The following JAKMIP3 variants were observed in gnomAD, a reference collection of about 807,000 sequenced individuals.
JAKMIP3 encodes Janus kinase and microtubule interacting protein 3, also known as janus kinase and microtubule-interacting protein 3.
In JAKMIP3, 58 loss-of-function variants were observed where a neutral mutation model predicts 118.5. The observed-to-expected ratio is 0.49, with a 90% CI of 0.40 to 0.61. JAKMIP3 has a LOEUF of 0.61. Among genes scored for constraint, JAKMIP3 ranks in the 20% least tolerant of loss-of-function variants. The pLI is 0.00. For missense variants in JAKMIP3, 950 were observed against 1,109.0 expected (o/e 0.86, Z 2.04); for synonymous variants, 486 against 451.2 (o/e 1.08, Z -0.98).
At chr10:132,071,401 T>C (rs2133985843) in intron 1 of JAKMIP3, among the ~76,000 whole-genome samples, 1 of 152,342 alleles carries the variant, frequency 6.6e-6, no homozygotes, top group African/African-American at 2.4e-5. Flanking sequence ...GGGTGGTATA[T>C]CCCACAAATG....
intron 10 of JAKMIP3, among the ~76,000 whole-genome samples, chr10:132,141,454 GGGA>G (rs2053497711): frequency 6.6e-6 from 1 of 152,196 alleles, no homozygotes; most frequent in South Asian, 2.1e-4. Context: ...GAGTGCACCT[GGGA>G]GGAGACGTGC....
rs538511637 is a variant in JAKMIP3, at chr10:132,049,043, C to G, written c.-138+12305C>G. 2.0e-5 allele frequency among the ~76,000 whole-genome samples: 3 copies of G among 151,894 alleles called. No individual in the cohort carries two copies. The highest frequency in any genetic ancestry group is 7.3e-5 in the African/African-American group (3 of 41,374). ...ATTGTTTCTTTACTTCTCTGCATGT[C>G]CTGAAAGCCTGCTGCTGGTCCCGGC... is the stretch of plus-strand genomic sequence containing the variant. On this transcript the variant is annotated intron_variant, in intron 1 of 23. Transcript: ENST00000657785. This position sits in a 1 kb window ranked among gnomAD's most constrained non-coding sequence, Gnocchi z 4.3.
intron 2 of JAKMIP3, 25 bp downstream of exon 2, chr10:132,104,968 C>G: frequency 6.4e-7 from 1 of 1,570,764 alleles, no homozygotes; most frequent in Non-Finnish European, 8.6e-7. Context: ...GACCTCCACC[C>G]TTGAATGTCC....
upstream of JAKMIP3, among the ~76,000 whole-genome samples, chr10:132,064,354 G>A (rs1449670355): frequency 6.6e-6 from 1 of 152,214 alleles, no homozygotes; most frequent in African/African-American, 2.4e-5. This position sits in a 1 kb window ranked among gnomAD's most constrained non-coding sequence, Gnocchi z 4.4. Context: ...GCTGGGCTGA[G>A]GGGGCACTGC....
At chr10:132,100,549 G>T (rs933991818) in intron 1 of JAKMIP3, among the ~76,000 whole-genome samples, 1 of 152,152 alleles carries the variant, frequency 6.6e-6, no homozygotes, top group Non-Finnish European at 1.5e-5. Flanking sequence ...CGAGGGTTGG[G>T]GGGTGAGCAG....
chr10:132,165,302 G>T (rs12778347), intron 21 of JAKMIP3, among the ~76,000 whole-genome samples: 83,725 of 151,852 alleles, frequency 0.55, 23,871 homozygotes, highest in East Asian at 0.94. Context: ...CCCCAAGTCA[G>T]GATGAGGGGA....
intron 23 of JAKMIP3, among the ~76,000 whole-genome samples, chr10:132,180,580 C>CGCGT (rs1554962863): frequency 1.5e-4 from 2 of 12,988 alleles, no homozygotes; most frequent in African/African-American, 1.1e-3. Flanking sequence ...TGTGTGTGTG[C>CGCGT]GTGCGCGTGT....
rs983941769 is a variant in JAKMIP3, at chr10:132,134,623, G to A, written c.850-418G>A. On this transcript the variant is annotated intron_variant, in intron 4 of 23. Coordinates refer to ENST00000684848, the MANE Select transcript of JAKMIP3 (RefSeq NM_001323087.2). ...TGCCGCCCCGTGGGGCAGGGGGCGCGCACCCTCCTGAAGGGGCAGCGGCAG... is the reference window on the plus strand; with the variant it reads ...TGCCGCCCCGTGGGGCAGGGGGCGCACACCCTCCTGAAGGGGCAGCGGCAG... Among the ~76,000 whole-genome samples the A allele has an allele frequency of 7.9e-5, 12 of 152,266 alleles. 1 individual carries two copies. The highest frequency in any genetic ancestry group is 4.1e-4 in the South Asian group (2 of 4,824).
Position 132,181,746 on chromosome 10 carries a change from C to G in JAKMIP3, c.*1104-611C>G, listed in dbSNP as rs946836453. ...TCAAAAACCAAAAAGCTCTTCAGAC[C>G]TCTCCTAGATTAGAAAACCGTGGTG... On this transcript the variant is annotated intron_variant, in intron 23 of 23. Transcript: ENST00000684848. Among the ~76,000 whole-genome samples the G allele has an allele frequency of 2.0e-5, 3 of 152,296 alleles. No individual in the cohort carries two copies. In the East Asian group the frequency reaches 5.8e-4, roughly 29 times the overall value.
intron 1 of JAKMIP3, among the ~76,000 whole-genome samples, chr10:132,093,511 C>G (rs9665550): frequency 0.25 from 38,542 of 152,142 alleles, 5,236 homozygotes; most frequent in East Asian, 0.41. Flanking sequence ...ATGAGCGAGG[C>G]TCCGTGGGCG....
At chr10:132,060,328 G>A (rs775669725), upstream of JAKMIP3, among the ~76,000 whole-genome samples, 1 of 152,296 alleles carries the variant, frequency 6.6e-6, no homozygotes, top group East Asian at 1.9e-4. Context: ...TCTGGTGGGC[G>A]GGGCAGTCAC....
intron 1 of JAKMIP3, among the ~76,000 whole-genome samples, chr10:132,070,166 A>C (rs1441698072): frequency 6.6e-6 from 1 of 151,644 alleles, no homozygotes; most frequent in Non-Finnish European, 1.5e-5. Flanking sequence ...TTATTTTTTG[A>C]GACAGAGTTT....
At chr10:132,071,821 T>TCTTTCCTTTCTTCC in intron 1 of JAKMIP3, among the ~76,000 whole-genome samples, 1 of 150,134 alleles carries the variant, frequency 6.7e-6, no homozygotes, top group Non-Finnish European at 1.5e-5. Context: ...TCCTTTCTTT[T>TCTTTCCTTTCTTCC]CTTTCCTTTC....
intron 2 of JAKMIP3, among the ~76,000 whole-genome samples, chr10:132,110,734 ACTC>A (rs2046731619): frequency 6.6e-6 from 1 of 152,040 alleles, no homozygotes; most frequent in African/African-American, 2.4e-5. Context: ...ATAAAAGCTG[ACTC>A]CTCCAGGTGC....
intron 2 of JAKMIP3, among the ~76,000 whole-genome samples, chr10:132,113,826 A>G (rs2047222290): frequency 1.3e-5 from 2 of 152,234 alleles, no homozygotes; most frequent in Non-Finnish European, 2.9e-5. Context: ...GGCACCATTC[A>G]CGTAAAAAAG....
In JAKMIP3 at chr10:132,103,437, TGGGGGAGAGGAGCAGCTGG is replaced by T. The variant is rs1187190548; in HGVS notation, c.-137-1229_-137-1211del. ...GGAGCAGCTGGAGGGGAGGAGCACC[TGGGGGAGAGGAGCAGCTGG>T]GGGGGGGAGGAGCAGCTGGAGGGGA... On this transcript the variant is annotated intron_variant, in intron 1 of 23. Coordinates refer to ENST00000684848, the MANE Select transcript of JAKMIP3 (RefSeq NM_001323087.2). Among the ~76,000 whole-genome samples the T allele has an allele frequency of 5.9e-5, 4 of 67,962 alleles. No individual in the cohort carries two copies. In the South Asian group the frequency reaches 2.0e-3, roughly 34 times the overall value. 44.6% of individuals were successfully genotyped at this position (67,962 alleles called of 152,430 possible). A position where few individuals can be genotyped will look rare whatever the true frequency, so the allele number is the denominator to read the frequency against.
intron 15 of JAKMIP3, 28 bp downstream of exon 15, chr10:132,149,538 G>A (rs1467085700): frequency 1.1e-6 from 1 of 890,384 alleles, no homozygotes; most frequent in South Asian, 1.9e-5. Flanking sequence ...TGCCCACTCC[G>A]CCCCCACCTC....
At position 132,166,874 on chromosome 10, in the gene JAKMIP3, A is replaced by G. The variant is rs564741337; in HGVS notation, c.2491-109A>G. ...TAATAGCGTCCTCTCCTCCCTGCCAACAGCTCTGTCTTCAGTCTGTAATCG... is the reference window on the plus strand; with the variant it reads ...TAATAGCGTCCTCTCCTCCCTGCCAGCAGCTCTGTCTTCAGTCTGTAATCG... On this transcript the variant is annotated intron_variant, in intron 21 of 23. Transcript: ENST00000684848. The G allele has an allele frequency of 1.8e-5, 14 of 786,910 alleles. No individual in the cohort carries two copies. The African/African-American group carries it at 2.4e-4, about 14-fold the overall frequency. 48.7% of individuals were successfully genotyped at this position (786,910 alleles called of 1,614,324 possible).
At chr10:132,173,639 T>C (rs1209844630) in intron 23 of JAKMIP3, among the ~76,000 whole-genome samples, 1 of 152,188 alleles carries the variant, frequency 6.6e-6, no homozygotes, top group African/African-American at 2.4e-5. Flanking sequence ...TATTGACTCT[T>C]TGAAAAAATT....
Sources: allele counts gnomAD v4.1 joint callset (sites outside exome capture counted in the v4.1 genomes callset), GRCh38; gene constraint gnomAD v4.1.1; non-coding constraint Gnocchi (gnomAD v3.1); transcripts MANE v1.5; gene names NCBI Gene and HGNC (gene_info 2026-07-23, HGNC 2026-07-21).